Variants in STAU2 observed in about 807,000 individuals in gnomAD.
STAU2 encodes the protein staufen double-stranded RNA binding protein 2.
Under a neutral mutation model 65.9 loss-of-function variants are expected in STAU2, and 20 were observed. The observed-to-expected ratio is 0.30, with a 90% CI of 0.21 to 0.44. The LOEUF (loss-of-function observed/expected upper bound fraction) is 0.44, where lower values mean the gene tolerates loss of function less well. Ranked by LOEUF, STAU2 falls within the 20% of genes least tolerant of loss-of-function variation. The probability of loss-of-function intolerance (pLI) is 1.00; values close to 1 mark genes in which losing one functional copy is unlikely to be tolerated. For synonymous variants in STAU2, 232 were observed against 233.9 expected (o/e 0.99, Z 0.07); for missense variants, 558 against 683.9 (o/e 0.82, Z 2.05).
At chr8:73,733,898 A>G (rs566843612) in intron 3 of STAU2, among the ~76,000 whole-genome samples, 1 of 152,262 alleles carries the variant, frequency 6.6e-6, no homozygotes, top group East Asian at 1.9e-4. Flanking sequence ...TTTGACTAGT[A>G]TTTCCATTTC....
At chr8:73,562,128 T>C (rs905941800) in intron 12 of STAU2, among the ~76,000 whole-genome samples, 3 of 152,240 alleles carry the variant, frequency 2.0e-5, no homozygotes, top group Non-Finnish European at 4.4e-5. Flanking sequence ...ATATTGAACT[T>C]CATTTCTTCA....
intron 6 of STAU2, among the ~76,000 whole-genome samples, chr8:73,660,129 G>T (rs1001622823): frequency 6.6e-6 from 1 of 152,026 alleles, no homozygotes; most frequent in Admixed American, 6.6e-5. Context: ...TTTTGTTTTT[G>T]TCTAAAGGGG....
At chr8:73,720,389 A>ATTCTTCTT (rs1264845760) in intron 3 of STAU2, among the ~76,000 whole-genome samples, 2 of 151,534 alleles carry the variant, frequency 1.3e-5, no homozygotes, top group Admixed American at 6.6e-5. Context: ...ATTTGAGTTC[A>ATTCTTCTT]TTCTTCTTTC....
chr8:73,598,502 C>A (rs757922070), intron 10 of STAU2, among the ~76,000 whole-genome samples: 8 of 152,162 alleles, frequency 5.3e-5, no homozygotes, highest in Non-Finnish European at 1.2e-4. Flanking sequence ...GCTGGGATTA[C>A]AGGTGTGAGC....
At chr8:73,449,260 C>G (rs933885722) in intron 13 of STAU2, among the ~76,000 whole-genome samples, 2 of 152,194 alleles carry the variant, frequency 1.3e-5, no homozygotes, top group East Asian at 1.9e-4. Flanking sequence ...CTCTGGAGGC[C>G]GGAAGTCCAA....
intron 10 of STAU2, among the ~76,000 whole-genome samples, chr8:73,598,139 C>A (rs1811336635): frequency 6.6e-6 from 1 of 151,438 alleles, no homozygotes; most frequent in Non-Finnish European, 1.5e-5. Flanking sequence ...TGCAGGAATG[C>A]AAGTTTGGTT....
Position 73,421,241 on chromosome 8 carries a change from G to A in STAU2, c.*131C>T. On this transcript the variant is annotated 3_prime_UTR_variant, in exon 15 of 15. Transcript: ENST00000524300. ...CAGTACCATGTATATTATCTCTCGT[G>A]TTAGAATAGTGTTGTCTTCACATAA... 1 of 748,936 alleles carries A rather than the reference G, an allele frequency of 1.3e-6. No individual in the cohort carries two copies. Among genetic ancestry groups the A allele is most frequent in the South Asian group, 1.7e-5 (1 of 58,308 alleles). The allele number at this position is 748,936 out of a possible 1,614,324, so 46.4% of individuals were successfully genotyped here.
At chr8:73,707,940 A>G (rs552761784) in intron 4 of STAU2, among the ~76,000 whole-genome samples, 1 of 152,350 alleles carries the variant, frequency 6.6e-6, no homozygotes, top group East Asian at 1.9e-4. Context: ...GCAGAAAGAC[A>G]CTACAACTTA....
intron 13 of STAU2, chr8:73,440,649 CCCCTGTGTGCAT>C (rs138243145): frequency 0.46 from 68,919 of 151,442 alleles, 16,118 homozygotes; most frequent in Admixed American, 0.57. Context: ...CTAACTCGCA[CCCCTGTGTGCAT>C]CCCTGTGTGC....
Position 73,542,994 on chromosome 8 carries a change from G to C in STAU2, c.1530+9018C>G, listed in dbSNP as rs142989879. 4.5e-4 allele frequency among the ~76,000 whole-genome samples: 68 copies of C among 152,290 alleles called. 1 individual carries two copies. The East Asian group carries it at 0.012, about 28-fold the overall frequency. ...TATTGTAAATCAATGTTCATAAACA[G>C]CTTTATTTATAATGGCCCCAAAGTG... On this transcript the variant is annotated intron_variant, in intron 13 of 14. Coordinates refer to ENST00000524300, the MANE Select transcript of STAU2 (RefSeq NM_001164380.2).
intron 13 of STAU2, among the ~76,000 whole-genome samples, chr8:73,535,934 CTTA>C (rs1174942892): frequency 3.3e-5 from 5 of 152,006 alleles, no homozygotes; most frequent in African/African-American, 4.8e-5. Flanking sequence ...CCTTACAAAT[CTTA>C]TTATATACTG....
At chr8:73,667,958 C>T (rs373684969) in intron 6 of STAU2, among the ~76,000 whole-genome samples, 14 of 152,122 alleles carry the variant, frequency 9.2e-5, no homozygotes, top group East Asian at 1.9e-4. Flanking sequence ...TTTGAGGAAC[C>T]GCTCCATAAA....
chr8:73,625,719 A>G (rs1813589066), intron 6 of STAU2, among the ~76,000 whole-genome samples: 1 of 152,204 alleles, frequency 6.6e-6, no homozygotes, highest in Non-Finnish European at 1.5e-5. Context: ...ATTTTATTTC[A>G]ATACAAATCA....
chr8:73,611,010 T>G (rs946820978), intron 9 of STAU2, among the ~76,000 whole-genome samples: 6 of 152,180 alleles, frequency 3.9e-5, no homozygotes, highest in African/African-American at 1.4e-4. Flanking sequence ...ACAGAGTGAT[T>G]AAGTGATCAA....
chr8:73,523,541 T>C (rs977683308), intron 13 of STAU2, among the ~76,000 whole-genome samples: 1 of 152,116 alleles, frequency 6.6e-6, no homozygotes, highest in Admixed American at 6.5e-5. Flanking sequence ...TGTAACACAT[T>C]TCCATTACCT....
intron 12 of STAU2, among the ~76,000 whole-genome samples, chr8:73,568,668 C>A (rs1163052600): frequency 2.0e-5 from 3 of 151,920 alleles, no homozygotes; most frequent in Non-Finnish European, 4.4e-5. Flanking sequence ...CAGAGGAGAA[C>A]AGAAAGTCTG....
chr8:73,742,725 G>C (rs1198132888), intron 1 of STAU2, among the ~76,000 whole-genome samples: 2 of 151,568 alleles, frequency 1.3e-5, no homozygotes, highest in African/African-American at 4.8e-5. Context: ...AGGATTATAG[G>C]GAGACGGCTG....
intron 1 of STAU2, 86 bp downstream of exon 1, chr8:73,746,697 C>A: frequency 4.8e-6 from 4 of 838,464 alleles, no homozygotes; most frequent in Non-Finnish European, 6.3e-6. Context: ...TGCTGCGGAA[C>A]TGCAGGGCTC....
chr8:73,742,659 G>T (rs1806970351), intron 1 of STAU2, among the ~76,000 whole-genome samples: 2 of 151,516 alleles, frequency 1.3e-5, no homozygotes, highest in South Asian at 4.2e-4. Flanking sequence ...GCCCTATCTG[G>T]TCAGGCATAT....
Sources: allele counts gnomAD v4.1 joint callset (sites outside exome capture counted in the v4.1 genomes callset), GRCh38; gene constraint gnomAD v4.1.1; transcripts MANE v1.5; gene names NCBI Gene and HGNC (gene_info 2026-07-23, HGNC 2026-07-21).